Variants in FMR1NB observed in about 807,000 individuals in gnomAD.
The protein encoded by FMR1NB is FMR1 neighbor.
A neutral mutation model predicts 16.8 loss-of-function variants in FMR1NB; 10 were observed. The observed-to-expected ratio is 0.60, with a 90% CI of 0.37 to 1.01. The LOEUF (loss-of-function observed/expected upper bound fraction) is 1.01. Ranked by LOEUF, FMR1NB falls within the 50% of genes least tolerant of loss-of-function variation. The pLI is 0.01. For missense variants in FMR1NB, 205 were observed against 204.8 expected (o/e 1.00, Z 0.00); for synonymous variants, 83 against 79.1 (o/e 1.05, Z -0.26).
intron 4 of FMR1NB, among the ~76,000 whole-genome samples, chrX:148,012,003 T>A (rs1396936711): frequency 9.0e-6 from 1 of 111,716 alleles, no homozygotes; most frequent in Non-Finnish European, 1.9e-5. Flanking sequence ...AAGATGTGTT[T>A]TTGAAATTTA....
At chrX:148,000,021 A>G (rs1007822377) in intron 1 of FMR1NB, among the ~76,000 whole-genome samples, 1 of 111,658 alleles carries the variant, frequency 9.0e-6, no homozygotes, top group African/African-American at 3.3e-5. Context: ...GCATAATATA[A>G]TTTAGCTTGA....
At chrX:148,002,406 G>C (rs1251628678) in intron 1 of FMR1NB, among the ~76,000 whole-genome samples, 12 of 110,721 alleles carry the variant, frequency 1.1e-4, no homozygotes, top group African/African-American at 3.6e-4. Flanking sequence ...CTGCTGGAGG[G>C]TAATTTGGAC....
chrX:148,010,033 T>C (rs1325318821), intron 4 of FMR1NB, among the ~76,000 whole-genome samples: 2 of 112,389 alleles, frequency 1.8e-5, no homozygotes, highest in Non-Finnish European at 3.8e-5. Flanking sequence ...TTTGGTATGA[T>C]AACTTCATTA....
chrX:148,011,606 A>G (rs999441337), intron 4 of FMR1NB, among the ~76,000 whole-genome samples: 1 of 111,618 alleles, frequency 9.0e-6, no homozygotes. Flanking sequence ...AAAGTTTTGA[A>G]GCAGTGGAGA....
At chrX:148,016,547 G>A (rs914804889) in intron 4 of FMR1NB, among the ~76,000 whole-genome samples, 1 of 111,229 alleles carries the variant, frequency 9.0e-6, no homozygotes, top group African/African-American at 3.3e-5. Context: ...CTTCCTTCCT[G>A]TCTTCCTCTA....
chrX:147,983,524 C>T (rs1166150603), intron 1 of FMR1NB, among the ~76,000 whole-genome samples: 1 of 112,082 alleles, frequency 8.9e-6, no homozygotes, highest in Non-Finnish European at 1.9e-5. Context: ...GTTGGCCATT[C>T]GTACATCTTT....
At chrX:147,986,835 A>G (rs1275174381) in intron 1 of FMR1NB, among the ~76,000 whole-genome samples, 2 of 111,754 alleles carry the variant, frequency 1.8e-5, no homozygotes, top group South Asian at 3.7e-4. Flanking sequence ...AATTTAAAGT[A>G]GTATTTTCTA....
At chrX:148,018,518 T>G (rs1221760605) in intron 4 of FMR1NB, among the ~76,000 whole-genome samples, 2 of 111,410 alleles carry the variant, frequency 1.8e-5, no homozygotes, top group Admixed American at 1.9e-4. Flanking sequence ...GAAGTAACAC[T>G]GCATATCTAT....
At chrX:148,006,243 G>A (rs2044595677) in intron 2 of FMR1NB, among the ~76,000 whole-genome samples, 1 of 111,840 alleles carries the variant, frequency 8.9e-6, no homozygotes, top group South Asian at 3.7e-4. Flanking sequence ...ACAAAAAGTA[G>A]GTCAATGCCA....
chrX:148,022,668 A>G, intron 4 of FMR1NB, among the ~76,000 whole-genome samples: 1 of 111,447 alleles, frequency 9.0e-6, no homozygotes, highest in East Asian at 2.8e-4. Context: ...CCTATTAGGT[A>G]GAATAGCTAA....
chrX:148,003,240 C>G lies in FMR1NB; in HGVS notation c.317C>G (p.Pro106Arg). 9.1e-6 allele frequency: 11 copies of G among 1,209,757 alleles called. No homozygotes were observed. The highest frequency in any genetic ancestry group is 1.1e-5 in the Non-Finnish European group (10 of 893,949). The change falls in exon 2 of 6, where the codon CCC becomes CGC. Residue 106 changes from proline (P) to arginine (R), a missense_variant. By Grantham distance (103) the Pro-to-Arg change is moderately radical. Transcript: ENST00000370467. ...GTGCTTGCAAATGGACATATCCTGC[C>G]CAACAGTGAAAATGCTCATGGCCAA... ...YFVLANGHIL[P>R]NSENAHGQSL...
At chrX:147,981,728 G>T in intron 1 of FMR1NB, 49 bp downstream of exon 1, 1 of 934,284 alleles carries the variant, frequency 1.1e-6, no homozygotes, top group Non-Finnish European at 1.5e-6. Context: ...GAGGGGGAGG[G>T]GGAGGGAGAG....
intron 4 of FMR1NB, among the ~76,000 whole-genome samples, chrX:148,020,529 A>G (rs2044673095): frequency 8.9e-6 from 1 of 112,163 alleles, no homozygotes; most frequent in South Asian, 3.8e-4. Context: ...AGCAAGTCTC[A>G]AAGTCTCACC....
chrX:147,988,159 T>C (rs2044486299), intron 1 of FMR1NB, among the ~76,000 whole-genome samples: 1 of 111,963 alleles, frequency 8.9e-6, no homozygotes, highest in Non-Finnish European at 1.9e-5. Flanking sequence ...GGTTTTTCCT[T>C]TCCATATTTA....
chrX:147,992,906 G>A (rs1483033119), intron 1 of FMR1NB, among the ~76,000 whole-genome samples: 3 of 97,605 alleles, frequency 3.1e-5, no homozygotes, highest in Non-Finnish European at 6.0e-5. Flanking sequence ...GATGGCGGCC[G>A]GGCGGAGATG....
At chrX:148,024,402 G>A (rs1557190830) in intron 4 of FMR1NB, among the ~76,000 whole-genome samples, 3 of 111,766 alleles carry the variant, frequency 2.7e-5, no homozygotes, top group African/African-American at 9.8e-5. Flanking sequence ...AAGGAGGTAC[G>A]AGATTGTATA....
chrX:147,992,745 C>T (rs1328905444), intron 1 of FMR1NB, among the ~76,000 whole-genome samples: 6 of 71,093 alleles, frequency 8.4e-5, no homozygotes, highest in African/African-American at 4.4e-4. Context: ...GACAGGGTCT[C>T]GGCCGGGCAG....
At position 148,024,875 on chromosome X, in the gene FMR1NB, G is replaced by A. The variant is rs782765066; in HGVS notation, c.643G>A (p.Asp215Asn). ...CTTTTTATGTTACAGCGAACCGGCC[G>A]ATGATTTACAAAGGCAGGACAACAG... is the stretch of plus-strand genomic sequence containing the variant. Reference protein sequence around the residue: ...RSLFWRSEPADDLQRQDNRVV... With the variant: ...RSLFWRSEPANDLQRQDNRVV... The change falls in exon 5 of 6, where the codon GAT (aspartate) becomes AAT (asparagine). Residue 215 changes from aspartate (D) to asparagine (N), a missense_variant. By Grantham distance (23) the Asp-to-Asn change is conservative. Transcript: ENST00000370467. The A allele has an allele frequency of 1.1e-5, 13 of 1,207,497 alleles. No individual in the cohort carries two copies. The highest frequency in any genetic ancestry group is 8.8e-5 in the Admixed American group (4 of 45,477).
At chrX:147,984,382 A>G (rs1458576138) in intron 1 of FMR1NB, among the ~76,000 whole-genome samples, 1 of 112,155 alleles carries the variant, frequency 8.9e-6, no homozygotes, top group Non-Finnish European at 1.9e-5. Flanking sequence ...TGTCTTCTTT[A>G]ATTTATTTCA....
Sources: gnomAD v4.1 joint callset for allele counts (sites outside exome capture counted in the v4.1 genomes callset) on GRCh38, gnomAD v4.1.1 for gene constraint, MANE v1.5 for transcripts, NCBI Gene and HGNC (gene_info 2026-07-23, HGNC 2026-07-21) for gene names.